The following DGKB variants were observed in gnomAD, a reference collection of about 807,000 sequenced individuals.
DGKB encodes 90 kDa diacylglycerol kinase.
DGKB carries 67 observed loss-of-function variants against 114.3 expected under a neutral mutation model. The ratio of observed to expected loss-of-function variants is 0.59; its 90% CI spans 0.48 to 0.72. The LOEUF is 0.72. Among genes scored for constraint, DGKB ranks in the 30% least tolerant of loss-of-function variants. The pLI, the probability that DGKB is intolerant of heterozygous loss-of-function variation, is 0.00. For synonymous variants in DGKB, 398 were observed against 323.1 expected (o/e 1.23, Z -2.49); for missense variants, 907 against 975.2 (o/e 0.93, Z 0.93).
intron 2 of DGKB, among the ~76,000 whole-genome samples, chr7:14,797,783 A>G (rs1199930782): frequency 6.6e-6 from 1 of 151,956 alleles, no homozygotes; most frequent in African/African-American, 2.4e-5. Context: ...TTGTTTGGTG[A>G]GTGGGAGGGA....
chr7:14,578,210 G>T (rs1034796985), intron 19 of DGKB, among the ~76,000 whole-genome samples: 7 of 152,122 alleles, frequency 4.6e-5, no homozygotes, highest in South Asian at 2.1e-4. Flanking sequence ...CTTCACGATT[G>T]TAAGTTTCCT....
chr7:14,491,944 C>T (rs537701606), intron 20 of DGKB, among the ~76,000 whole-genome samples: 1 of 151,976 alleles, frequency 6.6e-6, no homozygotes, highest in East Asian at 1.9e-4. Flanking sequence ...TATCTCATAC[C>T]TCAGTGCTAC....
At position 14,697,706 on chromosome 7, in the gene DGKB, G is replaced by A. The variant is rs533489200; in HGVS notation, c.591+389C>T. Among the ~76,000 whole-genome samples, 851 of 120,164 alleles carry A rather than the reference G, an allele frequency of 7.1e-3. 8 individuals carry two copies. The highest frequency in any genetic ancestry group is 0.026 in the African/African-American group (787 of 30,292). 78.8% of individuals were successfully genotyped at this position (120,164 alleles called of 152,430 possible). On this transcript the variant is annotated intron_variant, in intron 8 of 25. Transcript: ENST00000402815. ...GAAAAGGAAGGAAGGAAGGAAGGAA[G>A]GAAAGAAAGAAAAGGAAGGAAGGAA...
rs781569705 is a variant in DGKB, at chr7:14,265,318, C to CTTTTTTTTTTTTTTTTTTTTTTTTTTTTT, written c.2122+73196_2122+73197insAAAAAAAAAAAAAAAAAAAAAAAAAAAAA. Among the ~76,000 whole-genome samples, 9 of 67,734 alleles carry CTTTTTTTTTTTTTTTTTTTTTTTTTTTTT rather than the reference C, an allele frequency of 1.3e-4. 1 individual carries two copies. Among genetic ancestry groups the CTTTTTTTTTTTTTTTTTTTTTTTTTTTTT allele is most frequent in the Non-Finnish European group, 2.0e-4 (8 of 40,200 alleles). 44.4% of individuals were successfully genotyped at this position (67,734 alleles called of 152,430 possible). ...GGACTGCTGTCTTTTCTCTTGCATT[C>CTTTTTTTTTTTTTTTTTTTTTTTTTTTTT]TTTTTTTTTTTTTTTTTTTTGCTTA... On this transcript the variant is annotated intron_variant, in intron 23 of 25. Transcript: ENST00000402815.
intron 1 of DGKB, among the ~76,000 whole-genome samples, chr7:14,855,263 G>T (rs755874653): frequency 6.6e-6 from 1 of 152,178 alleles, no homozygotes; most frequent in African/African-American, 2.4e-5. Context: ...AATCCAGGGA[G>T]AGCCTAAATC....
chr7:14,676,018 G>A (rs1357038977), intron 12 of DGKB, among the ~76,000 whole-genome samples: 10 of 152,006 alleles, frequency 6.6e-5, no homozygotes, highest in Admixed American at 5.9e-4. Flanking sequence ...TATACAATGT[G>A]AAAGCCAATG....
At chr7:14,332,178 T>G (rs1327700852) in intron 23 of DGKB, among the ~76,000 whole-genome samples, 3 of 152,196 alleles carry the variant, frequency 2.0e-5, no homozygotes, top group Admixed American at 6.5e-5. Flanking sequence ...TACTGGCCCC[T>G]ATTCTAAGCT....
At chr7:14,859,552 T>C (rs1586964428) in intron 1 of DGKB, among the ~76,000 whole-genome samples, 3 of 152,032 alleles carry the variant, frequency 2.0e-5, no homozygotes, top group Non-Finnish European at 4.4e-5. Flanking sequence ...ACAATAGATA[T>C]AGAAGCAATG....
intron 1 of DGKB, among the ~76,000 whole-genome samples, chr7:14,954,473 A>G (rs931881140): frequency 1.3e-5 from 2 of 152,092 alleles, no homozygotes; most frequent in African/African-American, 4.8e-5. Flanking sequence ...TCAGCAGTAT[A>G]GTGATTTGAC....
chr7:14,733,283 C>T (rs189300661), intron 5 of DGKB, among the ~76,000 whole-genome samples: 2 of 152,182 alleles, frequency 1.3e-5, no homozygotes, highest in East Asian at 3.9e-4. Flanking sequence ...TGATGATAAA[C>T]ATATTAGTCA....
intron 13 of DGKB, among the ~76,000 whole-genome samples, chr7:14,631,861 C>T (rs1809782152): frequency 6.6e-6 from 1 of 151,922 alleles, no homozygotes; most frequent in Non-Finnish European, 1.5e-5. Flanking sequence ...GTTTGTTCTT[C>T]AAATTCAGGT....
intron 2 of DGKB, among the ~76,000 whole-genome samples, chr7:14,804,506 C>T (rs917442554): frequency 6.6e-6 from 1 of 152,036 alleles, no homozygotes; most frequent in Non-Finnish European, 1.5e-5. Context: ...CCATGCATGT[C>T]TGTCTTTCCA....
At chr7:14,635,254 T>A (rs1349504049) in intron 13 of DGKB, among the ~76,000 whole-genome samples, 13 of 151,258 alleles carry the variant, frequency 8.6e-5, no homozygotes, top group Non-Finnish European at 1.9e-4. Context: ...TAAATATGAT[T>A]GTTTATGTCT....
intron 21 of DGKB, among the ~76,000 whole-genome samples, chr7:14,361,330 A>G (rs1280900149): frequency 6.6e-6 from 1 of 152,066 alleles, no homozygotes; most frequent in African/African-American, 2.4e-5. Context: ...TAAAAATGAT[A>G]AGAAATAAGA....
chr7:14,643,675 C>G (rs766643955), intron 13 of DGKB, among the ~76,000 whole-genome samples: 18 of 152,138 alleles, frequency 1.2e-4, no homozygotes, highest in Non-Finnish European at 2.4e-4. Flanking sequence ...GAAGCATGTG[C>G]ACACCAAAGC....
chr7:14,595,917 G>A (rs1802502330), intron 17 of DGKB, among the ~76,000 whole-genome samples: 1 of 152,036 alleles, frequency 6.6e-6, no homozygotes, highest in Admixed American at 6.6e-5. Flanking sequence ...TTAAATACGT[G>A]AAAATCAATA....
chr7:14,336,299 A>G (rs1276738023), intron 23 of DGKB, among the ~76,000 whole-genome samples: 4 of 152,166 alleles, frequency 2.6e-5, no homozygotes, highest in African/African-American at 4.8e-5. Context: ...ACTAATATAT[A>G]ACAGGTTTTT....
chr7:14,437,380 T>C (rs1160586000), intron 21 of DGKB, among the ~76,000 whole-genome samples: 1 of 152,138 alleles, frequency 6.6e-6, no homozygotes, highest in African/African-American at 2.4e-5. Context: ...TTTTGTATTT[T>C]AGTTTTCTAC....
At chr7:14,646,904 C>T (rs1016754522) in intron 13 of DGKB, among the ~76,000 whole-genome samples, 1 of 151,596 alleles carries the variant, frequency 6.6e-6, no homozygotes. Flanking sequence ...CCTAACAATA[C>T]ACCTCAAGAA....
Sources: gnomAD v4.1 joint callset for allele counts (sites outside exome capture counted in the v4.1 genomes callset) on GRCh38, gnomAD v4.1.1 for gene constraint, MANE v1.5 for transcripts, NCBI Gene and HGNC (gene_info 2026-07-23, HGNC 2026-07-21) for gene names.